The following CACNA1A variants were observed in gnomAD, a reference collection of about 807,000 sequenced individuals.
The protein encoded by CACNA1A is calcium voltage-gated channel subunit alpha1 A.
CACNA1A carries 57 observed loss-of-function variants against 262.4 expected under a neutral mutation model. The ratio of observed to expected loss-of-function variants is 0.22; its 90% CI spans 0.18 to 0.27. CACNA1A has a LOEUF of 0.27. CACNA1A is among the 10% of genes least tolerant of loss of function. The pLI, the probability that CACNA1A is intolerant of heterozygous loss-of-function variation, is 1.00. For missense variants in CACNA1A, 2,526 were observed against 3,562.8 expected (o/e 0.71, Z 7.41); for synonymous variants, 1,431 against 1,419.3 (o/e 1.01, Z -0.18).
At chr19:13,370,099 A>AT (rs568795054) in intron 4 of CACNA1A, among the ~76,000 whole-genome samples, 9,700 of 148,844 alleles carry the variant, frequency 0.065, 655 homozygotes, top group African/African-American at 0.18. Flanking sequence ...GTGCTTTTTA[A>AT]TTTTTTTTTT....
intron 1 of CACNA1A, among the ~76,000 whole-genome samples, chr19:13,469,299 T>C (rs1371485414): frequency 6.6e-6 from 1 of 152,138 alleles, no homozygotes; most frequent in Non-Finnish European, 1.5e-5. Context: ...GGAGAGACCA[T>C]TGTCCATGCT....
At chr19:13,245,397 G>C (rs1309746723) in intron 30 of CACNA1A, 132 bp from the exon 31 acceptor site, 14 of 712,906 alleles carry the variant, frequency 2.0e-5, no homozygotes, top group Non-Finnish European at 3.6e-5. Flanking sequence ...GTTGTTCGAA[G>C]GGCTGCGGTA....
At chr19:13,265,000 G>A (rs959223303) in intron 24 of CACNA1A, among the ~76,000 whole-genome samples, 14 of 151,402 alleles carry the variant, frequency 9.2e-5, no homozygotes, top group Admixed American at 5.3e-4. Context: ...TCAGCCTCCC[G>A]AATAGCTGGG....
chr19:13,434,580 T>C (rs1329542333), intron 3 of CACNA1A, among the ~76,000 whole-genome samples: 2 of 152,108 alleles, frequency 1.3e-5, no homozygotes, highest in East Asian at 3.9e-4. Flanking sequence ...TAAAGGTGTG[T>C]AGCATCTCCC....
rs548806131 is a variant in CACNA1A, at chr19:13,241,215, G to T, written c.4950+3967C>A. ...CTCTGAGTGTAGGGGATGTGTGTGC[G>T]GGATGGGGCAAGAGAGAGGTGCTGC... On this transcript the variant is annotated intron_variant, in intron 31 of 46. Coordinates refer to ENST00000360228, the MANE Select transcript of CACNA1A (RefSeq NM_001127222.2). The surrounding 1 kb of genome is among the most constrained non-coding windows in gnomAD (Gnocchi z 4.0). 6.6e-6 allele frequency among the ~76,000 whole-genome samples: 1 copy of T among 152,124 alleles called. No homozygotes were observed. The highest frequency in any genetic ancestry group is 2.4e-5 in the African/African-American group (1 of 41,420).
At chr19:13,467,849 C>A (rs370000008) in intron 1 of CACNA1A, among the ~76,000 whole-genome samples, 1 of 152,110 alleles carries the variant, frequency 6.6e-6, no homozygotes, top group East Asian at 1.9e-4. Context: ...AGGTGATCCA[C>A]CCACCTCGGC....
intron 6 of CACNA1A, among the ~76,000 whole-genome samples, chr19:13,340,332 T>C (rs1043933711): frequency 3.3e-5 from 5 of 152,038 alleles, no homozygotes; most frequent in African/African-American, 9.7e-5. Context: ...CTTGGACTGT[T>C]TGAGCTCATT....
chr19:13,208,654 C>G, intron 46 of CACNA1A, 102 bp downstream of exon 46: 6 of 1,379,892 alleles, frequency 4.3e-6, no homozygotes, highest in Non-Finnish European at 5.7e-6. Flanking sequence ...CAGCCGGGAT[C>G]CGGGGACCTT....
At position 13,212,257 on chromosome 19, in the gene CACNA1A, G is replaced by A. The variant is rs2144523552; in HGVS notation, c.6190-41C>T. 1.3e-6 allele frequency: 2 copies of A among 1,588,934 alleles called. No homozygotes were observed. Among genetic ancestry groups the A allele is most frequent in the Non-Finnish European group, 1.7e-6 (2 of 1,158,166 alleles). The stretch of plus-strand genomic sequence containing the variant: ...CAAAGCCAGATGAGCTCTGGGGCCT[G>A]ACCTCCAGATCCCTGGTGTCTGCAG... On this transcript the variant is annotated intron_variant, in intron 42 of 46. Transcript: ENST00000360228. The surrounding 1 kb of genome is among the most constrained non-coding windows in gnomAD (Gnocchi z 5.6).
chr19:13,482,326 C>CA (rs371584270), intron 1 of CACNA1A, among the ~76,000 whole-genome samples: 7 of 151,800 alleles, frequency 4.6e-5, no homozygotes, highest in Non-Finnish European at 8.8e-5. Flanking sequence ...TACTAAAATA[C>CA]AAAAAAACTA....
intron 1 of CACNA1A, among the ~76,000 whole-genome samples, chr19:13,478,190 AC>A (rs1266138864): frequency 1.3e-4 from 20 of 152,266 alleles, no homozygotes; most frequent in African/African-American, 4.3e-4. Context: ...CACAAAATAA[AC>A]ATGTCATTGT....
chr19:13,367,063 G>A (rs554799025), intron 4 of CACNA1A, among the ~76,000 whole-genome samples: 20 of 152,214 alleles, frequency 1.3e-4, no homozygotes, highest in African/African-American at 3.4e-4. Flanking sequence ...GGGAAGCCGA[G>A]GCCAGCGGAT....
intron 1 of CACNA1A, among the ~76,000 whole-genome samples, chr19:13,466,713 A>G (rs1247166163): frequency 1.3e-5 from 2 of 151,700 alleles, no homozygotes; most frequent in Admixed American, 6.6e-5. Flanking sequence ...AATCATCATC[A>G]TCATCATCTG....
intron 3 of CACNA1A, among the ~76,000 whole-genome samples, chr19:13,433,374 T>C (rs1287853794): frequency 2.0e-5 from 3 of 146,828 alleles, no homozygotes; most frequent in Admixed American, 1.4e-4. Context: ...CGTGGGAGGA[T>C]TGCTTGAGCC....
intron 3 of CACNA1A, among the ~76,000 whole-genome samples, chr19:13,445,118 C>A (rs2060785688): frequency 7.0e-6 from 1 of 143,086 alleles, no homozygotes; most frequent in Non-Finnish European, 1.5e-5. Context: ...CTAGCCTGGG[C>A]AACAAGAGAA....
intron 24 of CACNA1A, among the ~76,000 whole-genome samples, chr19:13,266,188 CTGGT>C (rs2056857215): frequency 6.6e-6 from 1 of 151,898 alleles, no homozygotes; most frequent in Non-Finnish European, 1.5e-5. Context: ...GTTAGCAATG[CTGGT>C]TGTAAGTGGA....
chr19:13,311,772 G>A (rs1256311528), intron 12 of CACNA1A, among the ~76,000 whole-genome samples: 1 of 152,104 alleles, frequency 6.6e-6, no homozygotes, highest in Non-Finnish European at 1.5e-5. Flanking sequence ...GGGAGGCGGA[G>A]CTTGCAGTGA....
chr19:13,499,404 C>T (rs1982074715), intron 1 of CACNA1A, among the ~76,000 whole-genome samples: 1 of 138,744 alleles, frequency 7.2e-6, no homozygotes, highest in Admixed American at 7.9e-5. Context: ...TTAAAGAGCG[C>T]CACGATCAGG....
chr19:13,434,540 C>T (rs372383089), intron 3 of CACNA1A, among the ~76,000 whole-genome samples: 3 of 152,068 alleles, frequency 2.0e-5, no homozygotes, highest in African/African-American at 4.8e-5. Context: ...TTCTCGAGAT[C>T]GTGAGTGAGT....
Sources: allele counts gnomAD v4.1 joint callset (sites outside exome capture counted in the v4.1 genomes callset), GRCh38; gene constraint gnomAD v4.1.1; non-coding constraint Gnocchi (gnomAD v3.1); transcripts MANE v1.5; gene names NCBI Gene and HGNC (gene_info 2026-07-23, HGNC 2026-07-21).